The following ARMC5 variants were observed in gnomAD, a reference collection of about 807,000 sequenced individuals.
The protein encoded by ARMC5 is armadillo repeat containing 5.
In ARMC5, 28 loss-of-function variants were observed where a neutral mutation model predicts 60.5. The ratio of observed to expected loss-of-function variants is 0.46; its 90% confidence interval spans 0.34 to 0.63. ARMC5 has a LOEUF of 0.63. Among genes scored for constraint, ARMC5 ranks in the 30% least tolerant of loss-of-function variants. The probability of loss-of-function intolerance (pLI) is 0.01; values close to 1 mark genes in which losing one functional copy is unlikely to be tolerated. For missense variants in ARMC5, 1,189 were observed against 1,304.9 expected, an observed-to-expected ratio of 0.91 and a Z score of 1.37; for synonymous variants, 680 against 607.3, an observed-to-expected ratio of 1.12 and a Z score of -1.76.
rs774926659 is a variant in ARMC5, at chr16:31,466,893, G to C, written c.*4G>C. On this transcript the variant is annotated 3_prime_UTR_variant, in exon 6 of 6. Transcript: ENST00000268314. The surrounding 1 kb of genome is among the most constrained non-coding windows in gnomAD (Gnocchi z 8.0). ...GGGGGCAAGGGTCCCTGCCTAGACT[G>C]TTGACGTCCCCTGGGAAGGGGACCC... 3 of 1,524,152 alleles carry C rather than the reference G, an allele frequency of 2.0e-6. No individual in the cohort carries two copies. Among genetic ancestry groups the C allele is most frequent in the Non-Finnish European group, 2.6e-6 (3 of 1,138,522 alleles). 94.4% of individuals were successfully genotyped at this position (1,524,152 alleles called of 1,614,324 possible).
chr16:31,464,854 C>T lies in ARMC5; in HGVS notation c.1831C>T (p.Arg611Trp), dbSNP rs369074065. 22 of 1,598,894 alleles carry T rather than the reference C, an allele frequency of 1.4e-5. No individual in the cohort carries two copies. The highest frequency in any genetic ancestry group is 1.0e-4 in the Admixed American group (6 of 59,820). The change falls in exon 4 of 6, where the codon CGG becomes TGG. Residue 611 changes from arginine (R) to tryptophan (W), a missense_variant. This residue lies in a region of ARMC5 where 862 missense variants were observed against 1,071.2 expected (regional missense o/e 0.80). Transcript: ENST00000268314. The surrounding 1 kb of genome is among the most constrained non-coding windows in gnomAD (Gnocchi z 7.6). ...TGACGATTGGCCGGCACCACGTGCC[C>T]GGCCCACTCTCCACAGCCGGCACCG... ...APDDWPAPRA[R>W]PTLHSRHREL...
intron 4 of ARMC5, chr16:31,465,133 C>A (rs747189107): frequency 3.1e-6 from 5 of 1,613,826 alleles, no homozygotes; most frequent in Middle Eastern, 3.3e-4. Context: ...TAGATGCAGC[C>A]CCGCGCCCAG....
At chr16:31,463,477 T>A (rs2082322673) in intron 3 of ARMC5, among the ~76,000 whole-genome samples, 1 of 152,224 alleles carries the variant, frequency 6.6e-6, no homozygotes, top group Admixed American at 6.5e-5. Context: ...AGGTGGGATA[T>A]ACGCTGGTTA....
intron 4 of ARMC5, chr16:31,465,093 C>T (rs369932000): frequency 3.0e-5 from 49 of 1,613,958 alleles, no homozygotes; most frequent in Non-Finnish European, 3.9e-5. Flanking sequence ...TGTCCTCTGC[C>T]CTAGCCCTGG....
Position 31,464,660 on chromosome 16 carries a change from C to T in ARMC5, c.1637C>T (p.Pro546Leu), listed in dbSNP as rs377584861. The T allele has an allele frequency of 1.3e-5, 20 of 1,598,190 alleles. No homozygotes were observed. The highest frequency in any genetic ancestry group is 2.2e-5 in the East Asian group (1 of 44,796). Reference sequence around the variant, plus strand: ...CCAAGTGGGGCACTTGTGACCGGCCCGGCGCTGTACGGCCTGCTGACCTAT... The same window carrying T: ...CCAAGTGGGGCACTTGTGACCGGCCTGGCGCTGTACGGCCTGCTGACCTAT... ...PDPSGALVTG[P>L]ALYGLLTYVT... is the part of the protein sequence containing the mutation. The change falls in exon 4 of 6, where the codon CCG becomes CTG. Residue 546 changes from proline to leucine, a missense_variant. By Grantham distance (98) the Pro-to-Leu change is moderately conservative. Around this residue, in one of 2 missense-constraint regions of ARMC5, gnomAD observed 862 missense variants for 1,071.2 expected, o/e 0.80. Coordinates refer to ENST00000268314, the MANE Select transcript of ARMC5 (RefSeq NM_001105247.2). The surrounding 1 kb of genome is among the most constrained non-coding windows in gnomAD (Gnocchi z 7.6).
At chr16:31,465,539 C>G in intron 4 of ARMC5, 1 of 954,972 alleles carries the variant, frequency 1.0e-6, no homozygotes, top group Non-Finnish European at 1.4e-6. Context: ...AGATCTATAT[C>G]TGGTATAACT....
At chr16:31,460,654 C>A (rs1156229280) in intron 1 of ARMC5, among the ~76,000 whole-genome samples, 1 of 152,186 alleles carries the variant, frequency 6.6e-6, no homozygotes, top group Non-Finnish European at 1.5e-5. Flanking sequence ...TCCCTTGAGC[C>A]TAGGAGGTTG....
Position 31,465,970 on chromosome 16 carries a change from C to A in ARMC5, c.1985C>A (p.Pro662His). The change falls in exon 5 of 6, where the codon CCC (proline) becomes CAC (histidine). Residue 662 changes from proline (P) to histidine (H), a missense_variant. By Grantham distance (77) the Pro-to-His change is moderately conservative (BLOSUM62 -2). This residue lies in a region of ARMC5 where 862 missense variants were observed against 1,071.2 expected (regional missense o/e 0.80). Coordinates refer to ENST00000268314, the MANE Select transcript of ARMC5 (RefSeq NM_001105247.2). ...EDRVACALTL[P>H]FICRKPSLWR... ...CGAGTGGCCTGCGCGCTGACCCTGC[C>A]CTTCATCTGCCGGTGAGTGGGAAGT... 1 of 1,603,292 alleles carries A rather than the reference C, an allele frequency of 6.2e-7. No individual in the cohort carries two copies. Among genetic ancestry groups the A allele is most frequent in the Non-Finnish European group, 8.5e-7 (1 of 1,178,964 alleles).
At chr16:31,459,486 G>C, upstream of ARMC5, 1 of 1,576,282 alleles carries the variant, frequency 6.3e-7, no homozygotes, top group Non-Finnish European at 8.6e-7. Flanking sequence ...CCTGGGATCA[G>C]CGGCGAGAAG....
chr16:31,465,113 A>G (rs202100653), intron 4 of ARMC5: 258 of 1,613,920 alleles, frequency 1.6e-4, no homozygotes, highest in South Asian at 1.4e-3. Flanking sequence ...GGACCCAGAT[A>G]CCCTAACTCT....
chr16:31,466,701 C>T lies in ARMC5; in HGVS notation c.2620C>T (p.Arg874Cys), dbSNP rs772950226. Residue 874 changes from arginine (R) to cysteine (C), a missense_variant, in exon 6 of 6, where the codon CGC (arginine) becomes TGC (cysteine). Arg to Cys is a radical substitution (Grantham distance 180). Around this residue, in one of 2 missense-constraint regions of ARMC5, gnomAD observed 862 missense variants for 1,071.2 expected, o/e 0.80. Transcript: ENST00000268314. The surrounding 1 kb of genome is among the most constrained non-coding windows in gnomAD (Gnocchi z 8.0). ...CCCGGAGTCAGTGGGTGAGGTGTTC[C>T]GCCTGGGCCGGCCCCGGCTGGCTGC... ...GGPESVGEVFRLGRPRLAAHC... is the reference protein window; with the variant it reads ...GGPESVGEVFCLGRPRLAAHC... 10 of 1,561,688 alleles carry T rather than the reference C, an allele frequency of 6.4e-6. No individual in the cohort carries two copies. The highest frequency in any genetic ancestry group is 5.8e-5 in the Admixed American group (3 of 51,616).
In ARMC5 at chr16:31,462,618, T is replaced by C. The variant is rs1175099204; in HGVS notation, c.1071T>C (p.Arg357=). Residue 357 remains arginine (R), a synonymous_variant, in exon 3 of 6, where the codon CGT becomes CGC. Transcript: ENST00000268314. The surrounding 1 kb of genome is among the most constrained non-coding windows in gnomAD (Gnocchi z 7.2). ...PLVRAVCLLC[R]EAINRARLRD... is the part of the protein sequence containing the mutation. ...TGCGGGCTGTGTGCCTCCTATGTCG[T>C]GAGGCCATCAACCGGGCCCGACTGC... The C allele has an allele frequency of 6.2e-7, 1 of 1,613,552 alleles. No homozygotes were observed. Among genetic ancestry groups the C allele is most frequent in the East Asian group, 2.2e-5 (1 of 44,882 alleles).
chr16:31,465,843 C>T lies in ARMC5; in HGVS notation c.1865-7C>T, dbSNP rs781418540. On this transcript the variant is annotated splice_polypyrimidine_tract_variant and splice_region_variant and intron_variant, in intron 4 of 5. Transcript: ENST00000268314. ...AGTTCCCAGCCTGACAAGCTTTCCA[C>T]TCACAGGGGAGAGGCTACTGCAGAA... 3.1e-6 allele frequency: 5 copies of T among 1,608,534 alleles called. No individual in the cohort carries two copies. The highest frequency in any genetic ancestry group is 3.4e-6 in the Non-Finnish European group (4 of 1,179,848).
chr16:31,462,303 T>G lies in ARMC5; in HGVS notation c.756T>G (p.Ala252=). ...AGCTCCTGGCCACTGCCCCAGATGC[T>G]GCACTGACCTTAGCCCTCGTCCGTG... The part of the protein sequence containing the change: ...LAELLATAPD[A]ALTLALVRAL... Residue 252 remains alanine (A), a synonymous_variant, in exon 3 of 6, where the codon GCT becomes GCG. Coordinates refer to ENST00000268314, the MANE Select transcript of ARMC5 (RefSeq NM_001105247.2). The surrounding 1 kb of genome is among the most constrained non-coding windows in gnomAD (Gnocchi z 7.2). 1 of 1,610,380 alleles carries G rather than the reference T, an allele frequency of 6.2e-7. No homozygotes were observed. The highest frequency in any genetic ancestry group is 8.5e-7 in the Non-Finnish European group (1 of 1,179,950).
upstream of ARMC5, chr16:31,458,531 G>C (rs1596598036): frequency 6.5e-7 from 1 of 1,530,946 alleles, no homozygotes; most frequent in South Asian, 1.2e-5. Context: ...GGGCTGCCTT[G>C]GTGGTGAATG....
At chr16:31,465,350 G>C (rs998642200) in intron 4 of ARMC5, 25 of 1,389,288 alleles carry the variant, frequency 1.8e-5, no homozygotes, top group Non-Finnish European at 2.2e-5. Flanking sequence ...GGCCCTGTCC[G>C]GGCATAACAG....
At chr16:31,463,306 C>G (rs1231082944) in intron 3 of ARMC5, among the ~76,000 whole-genome samples, 2 of 152,242 alleles carry the variant, frequency 1.3e-5, no homozygotes, top group African/African-American at 2.4e-5. Flanking sequence ...ACCATGTTGG[C>G]CAGCCTGGTC....
At position 31,464,395 on chromosome 16, in the gene ARMC5, T is replaced by A; in HGVS notation, c.1372T>A (p.Ser458Thr). 1 of 1,517,014 alleles carries A rather than the reference T, an allele frequency of 6.6e-7. No individual in the cohort carries two copies. Among genetic ancestry groups the A allele is most frequent in the Non-Finnish European group, 8.8e-7 (1 of 1,132,624 alleles). The allele number at this position is 1,517,014 out of a possible 1,614,324, so 94.0% of individuals were successfully genotyped here. The change falls in exon 4 of 6, where the codon TCG becomes ACG. Residue 458 changes from serine (S) to threonine (T), a missense_variant and splice_region_variant. Coordinates refer to ENST00000268314, the MANE Select transcript of ARMC5 (RefSeq NM_001105247.2). This position sits in a 1 kb window ranked among gnomAD's most constrained non-coding sequence, Gnocchi z 7.6. ...AQGGSFRSLR[S>T]WLISEGYATG... ...TCCTTCCCTTTCTGCCCTCCGCAGG[T>A]CGTGGCTGATCTCCGAGGGCTATGC...
At chr16:31,459,142 TC>T (rs1270357881), upstream of ARMC5, 2 of 1,494,488 alleles carry the variant, frequency 1.3e-6, no homozygotes, top group African/African-American at 1.4e-5. Flanking sequence ...GAAAAGGCGG[TC>T]CCCGCCGAGT....
Sources: gnomAD v4.1 joint callset for allele counts (sites outside exome capture counted in the v4.1 genomes callset) on GRCh38, gnomAD v4.1.1 for gene constraint, gnomAD v4.1.1 regional missense constraint, Gnocchi (gnomAD v3.1) non-coding constraint, MANE v1.5 for transcripts, NCBI Gene and HGNC (gene_info 2026-07-23, HGNC 2026-07-21) for gene names.